The following LRP4 variants were observed in gnomAD, a reference collection of about 807,000 sequenced individuals.
LRP4 encodes the protein low-density lipoprotein receptor-related protein 4.
LRP4 carries 95 observed loss-of-function variants against 220.3 expected under a neutral mutation model. That is an observed-to-expected ratio of 0.43 (90% CI 0.37 to 0.51). LRP4 has a LOEUF of 0.51. LRP4 is among the 20% of genes least tolerant of loss of function. LRP4 has a pLI of 0.00. For missense variants in LRP4, 1,925 were observed against 2,567.0 expected (o/e 0.75, Z 5.40); for synonymous variants, 903 against 954.6 (o/e 0.95, Z 1.00).
Position 46,858,589 on chromosome 11 carries a change from T to C in LRP4, c.*394A>G. On this transcript the variant is annotated 3_prime_UTR_variant, in exon 38 of 38. Transcript: ENST00000378623. ...GCAAGTTCTCTCAGAGAAGCAGTCA[T>C]GCTGGCTGTGATGGGGCAGAGCGCA... 1 of 317,664 alleles carries C rather than the reference T, an allele frequency of 3.1e-6. No individual in the cohort carries two copies. The highest frequency in any genetic ancestry group is 4.0e-5 in the Admixed American group (1 of 24,942). 19.7% of individuals were successfully genotyped at this position (317,664 alleles called of 1,614,324 possible). A position where few individuals can be genotyped will look rare whatever the true frequency, so the allele number is the denominator to read the frequency against.
Position 46,918,407 on chromosome 11 carries a change from TC to T in LRP4, c.-29del. ...TGCCGCCCGCGCCGCTCGCCCGGGG[TC>T]CCGCCGGCTCCCGCCGGACGGCGCG... On this transcript the variant is annotated 5_prime_UTR_variant, in exon 1 of 38. Transcript: ENST00000378623. The surrounding 1 kb of genome is among the most constrained non-coding windows in gnomAD (Gnocchi z 6.0). 1 of 1,347,028 alleles carries T rather than the reference TC, an allele frequency of 7.4e-7. No homozygotes were observed. Among genetic ancestry groups the T allele is most frequent in the Non-Finnish European group, 9.5e-7 (1 of 1,054,252 alleles). The allele number at this position is 1,347,028 out of a possible 1,614,324, so 83.4% of individuals were successfully genotyped here. A position where few individuals can be genotyped will look rare whatever the true frequency, so the allele number is the denominator to read the frequency against.
chr11:46,889,702 A>G (rs1053400261), intron 15 of LRP4, 169 bp from the exon 16 acceptor site: 2 of 920,632 alleles, frequency 2.2e-6, no homozygotes, highest in African/African-American at 3.3e-5. Flanking sequence ...GGCACAGAGG[A>G]GATGCCCTGT....
Position 46,875,838 on chromosome 11 carries a change from C to G in LRP4, c.3665G>C (p.Ser1222Thr), listed in dbSNP as rs761736564. ...GGCATCGGCCCATAGCAGTTGGGAG[C>G]TGGCCTTGTCCACAGTCAGTCCATT... ...WPNGLTVDKA[S>T]SQLLWADAHT... The change falls in exon 26 of 38, where the codon AGC (serine) becomes ACC (threonine). Residue 1222 changes from serine (S) to threonine (T), a missense_variant. Around this residue, in one of 3 missense-constraint regions of LRP4, gnomAD observed 1,244 missense variants for 1,624.9 expected, o/e 0.77. Coordinates refer to ENST00000378623, the MANE Select transcript of LRP4 (RefSeq NM_002334.4). This position sits in a 1 kb window ranked among gnomAD's most constrained non-coding sequence, Gnocchi z 4.5. The G allele has an allele frequency of 6.2e-7, 1 of 1,614,104 alleles. No homozygotes were observed. The highest frequency in any genetic ancestry group is 8.5e-7 in the Non-Finnish European group (1 of 1,180,022).
intron 8 of LRP4, among the ~76,000 whole-genome samples, chr11:46,896,603 C>T (rs998900039): frequency 6.6e-6 from 1 of 152,240 alleles, no homozygotes; most frequent in African/African-American, 2.4e-5. Context: ...GGGGAGCACA[C>T]ATGGGGGCTG....
Position 46,879,219 on chromosome 11 carries a change from C to T in LRP4, c.2911G>A (p.Ala971Thr), listed in dbSNP as rs771933495. ...TDWQTKSIQSADRLTGLDRET... is the reference protein window; with the variant it reads ...TDWQTKSIQSTDRLTGLDRET... ...CGGTCCAGCCCTGTCAGCCGGTCAG[C>T]GCTCTGTATGCTCTTGGTCTGCCAG... Residue 971 changes from alanine (A) to threonine (T), a missense_variant, in exon 21 of 38, where the codon GCT becomes ACT. Physicochemically the swap from Ala to Thr is moderately conservative, Grantham distance 58 (BLOSUM62 0). Coordinates refer to ENST00000378623, the MANE Select transcript of LRP4 (RefSeq NM_002334.4). The T allele has an allele frequency of 4.3e-6, 7 of 1,614,228 alleles. No individual in the cohort carries two copies. The highest frequency in any genetic ancestry group is 5.9e-6 in the Non-Finnish European group (7 of 1,180,044).
rs138239756 is a variant in LRP4 at position 46,900,321 on chromosome 11, C to T, written c.257G>A (p.Arg86His). 1.2e-4 allele frequency: 187 copies of T among 1,613,996 alleles called. No homozygotes were observed. In the African/African-American group the frequency reaches 2.1e-3, roughly 18 times the overall value. ...FHCDNGKCIR[R>H]SWVCDGDNDC... ...GTTGTCCCCGTCACACACCCAGGAGCGGCGGATGCACTTGCCATTGTCACA... is the reference window on the plus strand; with the variant it reads ...GTTGTCCCCGTCACACACCCAGGAGTGGCGGATGCACTTGCCATTGTCACA... The change falls in exon 3 of 38, where the codon CGC becomes CAC. Residue 86 changes from arginine (R) to histidine (H), a missense_variant. Coordinates refer to ENST00000378623, the MANE Select transcript of LRP4 (RefSeq NM_002334.4).
chr11:46,881,058 C>CAAAA lies in LRP4; in HGVS notation c.2814+640_2814+643dup, dbSNP rs60125188. On this transcript the variant is annotated intron_variant, in intron 20 of 37. Coordinates refer to ENST00000378623, the MANE Select transcript of LRP4 (RefSeq NM_002334.4). ...CAGCATGACCCTGCCTCTAAAAAACCAAAAAAAAAAAAAAAAAAAAAAAAA... is the reference window on the plus strand; with the variant it reads ...CAGCATGACCCTGCCTCTAAAAAACCAAAAAAAAAAAAAAAAAAAAAAAAAAAAA... 7.3e-4 allele frequency among the ~76,000 whole-genome samples: 41 copies of CAAAA among 56,110 alleles called. 8 individuals are homozygous for CAAAA. In the East Asian group the frequency reaches 0.016, roughly 21 times the overall value. 36.8% of individuals were successfully genotyped at this position (56,110 alleles called of 152,430 possible).
intron 37 of LRP4, among the ~76,000 whole-genome samples, chr11:46,859,838 C>T (rs1940493153): frequency 6.6e-6 from 1 of 152,122 alleles, no homozygotes; most frequent in Admixed American, 6.6e-5. Context: ...ATTAAATGTA[C>T]ATTTATTCAG....
At position 46,864,479 on chromosome 11, in the gene LRP4, A is replaced by C. The variant is rs1172246708; in HGVS notation, c.5212T>G (p.Leu1738Val). Reference sequence around the variant, plus strand: ...AGCATCAAAGCTGCAATCACCACCAAAATCAGCAGAATACTGAGGAGTCCA... The same window carrying C: ...AGCATCAAAGCTGCAATCACCACCACAATCAGCAGAATACTGAGGAGTCCA... ...IGGLLSILLI[L>V]VVIAALMLYR... is the part of the protein sequence containing the mutation. The change falls in exon 36 of 38, where the codon TTG becomes GTG. Residue 1738 changes from leucine (L) to valine (V), a missense_variant. Coordinates refer to ENST00000378623, the MANE Select transcript of LRP4 (RefSeq NM_002334.4). 1 of 1,613,832 alleles carries C rather than the reference A, an allele frequency of 6.2e-7. No homozygotes were observed. Among genetic ancestry groups the C allele is most frequent in the East Asian group, 2.2e-5 (1 of 44,892 alleles).
chr11:46,888,246 C>G (rs977487669), intron 16 of LRP4, among the ~76,000 whole-genome samples: 1 of 29,600 alleles, frequency 3.4e-5, no homozygotes, highest in Admixed American at 5.3e-4. Context: ...CACTTGAACC[C>G]GGGAGGCGGA....
chr11:46,883,556 A>G (rs559686460), intron 19 of LRP4, among the ~76,000 whole-genome samples: 1 of 152,336 alleles, frequency 6.6e-6, no homozygotes, highest in Admixed American at 6.5e-5. Context: ...AATGCTAATG[A>G]CTGGCTTGCT....
chr11:46,896,072 G>A (rs1183902265), intron 9 of LRP4, 54 bp from the exon 10 acceptor site: 5 of 1,613,128 alleles, frequency 3.1e-6, no homozygotes, highest in Non-Finnish European at 4.2e-6. Flanking sequence ...CCCCCAGAGA[G>A]CCAACTTGGC....
intron 1 of LRP4, among the ~76,000 whole-genome samples, chr11:46,908,497 G>C (rs1024740245): frequency 6.6e-6 from 1 of 152,194 alleles, no homozygotes; most frequent in Non-Finnish European, 1.5e-5. Flanking sequence ...CAAGTACTAA[G>C]GGTTGAGGCC....
chr11:46,904,355 G>A (rs1332584000), intron 1 of LRP4, among the ~76,000 whole-genome samples: 1 of 152,130 alleles, frequency 6.6e-6, no homozygotes, highest in Non-Finnish European at 1.5e-5. Context: ...TAGGGCTTAG[G>A]GCCAGGATAA....
Position 46,858,637 on chromosome 11 carries a change from A to T in LRP4, c.*346T>A, listed in dbSNP as rs1323726494. On this transcript the variant is annotated 3_prime_UTR_variant, in exon 38 of 38. Coordinates refer to ENST00000378623, the MANE Select transcript of LRP4 (RefSeq NM_002334.4). ...GCAGTCCTGGGTCATCAGCTGCATC[A>T]GCACTGAGAAGCAGGCACTGAGGGT... 2.7e-6 allele frequency: 1 copy of T among 374,500 alleles called. No homozygotes were observed. Among genetic ancestry groups the T allele is most frequent in the Non-Finnish European group, 5.2e-6 (1 of 193,628 alleles). The allele number at this position is 374,500 out of a possible 1,614,324, so 23.2% of individuals were successfully genotyped here. A position where few individuals can be genotyped will look rare whatever the true frequency, so the allele number is the denominator to read the frequency against.
At chr11:46,917,365 T>C (rs1365188701) in intron 1 of LRP4, among the ~76,000 whole-genome samples, 1 of 152,190 alleles carries the variant, frequency 6.6e-6, no homozygotes, top group East Asian at 1.9e-4. Flanking sequence ...ATCAAAGTTC[T>C]TTGATCTCTG....
intron 23 of LRP4, 77 bp from the exon 24 acceptor site, chr11:46,876,907 A>G: frequency 8.5e-7 from 1 of 1,177,304 alleles, no homozygotes. Context: ...CATGTCTTGA[A>G]ACACCAGAGC....
intron 37 of LRP4, among the ~76,000 whole-genome samples, chr11:46,860,299 T>C (rs561121796): frequency 1.2e-3 from 183 of 152,004 alleles, no homozygotes; most frequent in African/African-American, 3.9e-3. Context: ...ATCTGGGTCC[T>C]AAACGTCAAT....
At chr11:46,893,751 C>T (rs1173544202) in intron 12 of LRP4, among the ~76,000 whole-genome samples, 1 of 152,100 alleles carries the variant, frequency 6.6e-6, no homozygotes, top group Non-Finnish European at 1.5e-5. Flanking sequence ...AGGCATTTGC[C>T]ACCATGCCTG....
Sources: gnomAD v4.1 joint callset for allele counts (sites outside exome capture counted in the v4.1 genomes callset) on GRCh38, gnomAD v4.1.1 for gene constraint, gnomAD v4.1.1 regional missense constraint, Gnocchi (gnomAD v3.1) non-coding constraint, MANE v1.5 for transcripts, NCBI Gene and HGNC (gene_info 2026-07-23, HGNC 2026-07-21) for gene names.